ALK: variants seen among roughly 807,000 people sequenced by gnomAD.
ALK encodes ALK tyrosine kinase receptor.
ALK carries 74 observed loss-of-function variants against 163.1 expected under a neutral mutation model. The ratio of observed to expected loss-of-function variants is 0.45; its 90% confidence interval spans 0.38 to 0.55. The LOEUF (loss-of-function observed/expected upper bound fraction) is 0.55. Among genes scored for constraint, ALK ranks in the 20% least tolerant of loss-of-function variants. The probability of loss-of-function intolerance (pLI) is 0.00; values close to 1 mark genes in which losing one functional copy is unlikely to be tolerated. For synonymous variants in ALK, 960 were observed against 843.2 expected, an observed-to-expected ratio of 1.14 and a Z score of -2.40; for missense variants, 2,063 against 2,105.3, an observed-to-expected ratio of 0.98 and a Z score of 0.39.
chr2:29,793,614 A>G (rs1184765570), intron 1 of ALK, among the ~76,000 whole-genome samples: 1 of 151,980 alleles, frequency 6.6e-6, no homozygotes, highest in African/African-American at 2.4e-5. Context: ...GATTGCAGAA[A>G]GGATGCTGTG....
In ALK at chr2:29,225,578, T is replaced by C. The variant is rs1018923976; in HGVS notation, c.3068-13A>G. 1.2e-6 allele frequency: 2 copies of C among 1,603,194 alleles called. No homozygotes were observed. The highest frequency in any genetic ancestry group is 2.7e-5 in the African/African-American group (2 of 74,768). ...GGGGTGGGTGACACTGGAAGACAGG[T>C]CCCACTGGGGTATTGACAACCACAC... On this transcript the variant is annotated splice_polypyrimidine_tract_variant and intron_variant, in intron 18 of 28. Coordinates refer to ENST00000389048, the MANE Select transcript of ALK (RefSeq NM_004304.5).
chr2:29,219,318 A>AGAT (rs1669721833), intron 23 of ALK, among the ~76,000 whole-genome samples: 1 of 152,184 alleles, frequency 6.6e-6, no homozygotes, highest in African/African-American at 2.4e-5. Flanking sequence ...TTAGATACTG[A>AGAT]GATGCGTCAC....
intron 4 of ALK, among the ~76,000 whole-genome samples, chr2:29,497,708 T>G (rs1381253392): frequency 6.6e-6 from 1 of 152,170 alleles, no homozygotes; most frequent in Non-Finnish European, 1.5e-5. Context: ...TCCTTTTAGG[T>G]TCAATATTCT....
At chr2:29,426,991 A>G (rs900374683) in intron 4 of ALK, among the ~76,000 whole-genome samples, 16 of 134,376 alleles carry the variant, frequency 1.2e-4, no homozygotes, top group African/African-American at 4.5e-4. Flanking sequence ...GTGAGCCAAG[A>G]TCACGCCACT....
chr2:29,222,482 G>C (rs2148168994), intron 21 of ALK, 35 bp downstream of exon 21: 1 of 1,613,832 alleles, frequency 6.2e-7, no homozygotes, highest in Non-Finnish European at 8.5e-7. Flanking sequence ...GAGTCCGCAA[G>C]CCAAGGGCAG....
At chr2:29,332,291 A>G (rs113509340) in intron 5 of ALK, among the ~76,000 whole-genome samples, 80 of 103,318 alleles carry the variant, frequency 7.7e-4, no homozygotes, top group Non-Finnish European at 8.4e-4. Flanking sequence ...ATCTCAAAAA[A>G]AAAAAAAAAA....
chr2:29,201,760 C>T (rs1056899712), intron 26 of ALK, among the ~76,000 whole-genome samples: 6 of 148,426 alleles, frequency 4.0e-5, no homozygotes, highest in African/African-American at 1.3e-4. Context: ...GTACTCCAGC[C>T]GGGGCGACAG....
At chr2:29,535,218 G>T (rs1016587734) in intron 3 of ALK, among the ~76,000 whole-genome samples, 1 of 152,190 alleles carries the variant, frequency 6.6e-6, no homozygotes, top group East Asian at 1.9e-4. Flanking sequence ...TGGCCATGGG[G>T]GTGTGGAGAG....
At chr2:29,766,410 C>A (rs548666819) in intron 1 of ALK, among the ~76,000 whole-genome samples, 2 of 152,260 alleles carry the variant, frequency 1.3e-5, no homozygotes, top group African/African-American at 4.8e-5. Flanking sequence ...CATGAATCAC[C>A]CCATGTTCTC....
At chr2:29,632,393 A>T (rs944170495) in intron 3 of ALK, among the ~76,000 whole-genome samples, 1 of 152,218 alleles carries the variant, frequency 6.6e-6, no homozygotes, top group African/African-American at 2.4e-5. Flanking sequence ...AATTAAGGTT[A>T]CATTTAGTAA....
chr2:29,860,538 A>C (rs1666253561), intron 1 of ALK, among the ~76,000 whole-genome samples: 1 of 152,254 alleles, frequency 6.6e-6, no homozygotes, highest in South Asian at 2.1e-4. Context: ...TGGATCTAAC[A>C]GACATACACA....
chr2:29,866,559 A>C (rs896910351), intron 1 of ALK, among the ~76,000 whole-genome samples: 1 of 152,224 alleles, frequency 6.6e-6, no homozygotes, highest in African/African-American at 2.4e-5. Context: ...CTATGGTAAT[A>C]AGGAGCCTAA....
chr2:29,832,399 G>A (rs1224104982), intron 1 of ALK, among the ~76,000 whole-genome samples: 10 of 151,738 alleles, frequency 6.6e-5, no homozygotes, highest in Admixed American at 6.6e-4. Context: ...AAGAGGAAGG[G>A]GTAGATCTTT....
intron 4 of ALK, among the ~76,000 whole-genome samples, chr2:29,406,434 C>G (rs1669586313): frequency 1.3e-5 from 2 of 152,192 alleles, no homozygotes; most frequent in South Asian, 2.1e-4. Flanking sequence ...ATATTCCCAG[C>G]CTGTCTCCAA....
intron 26 of ALK, among the ~76,000 whole-genome samples, chr2:29,203,514 T>C (rs1669236134): frequency 7.7e-6 from 1 of 130,330 alleles, no homozygotes; most frequent in South Asian, 2.6e-4. Flanking sequence ...TTTTTTTTTG[T>C]GAGACAGAGT....
At chr2:29,362,366 C>T (rs1668406917) in intron 5 of ALK, among the ~76,000 whole-genome samples, 3 of 152,120 alleles carry the variant, frequency 2.0e-5, no homozygotes, top group Admixed American at 1.3e-4. Flanking sequence ...ATTCTAGGTG[C>T]TAAAGAGGCA....
chr2:29,340,552 C>A (rs1399063492), intron 5 of ALK, among the ~76,000 whole-genome samples: 1 of 152,176 alleles, frequency 6.6e-6, no homozygotes, highest in South Asian at 2.1e-4. Context: ...GACAAGATAG[C>A]CACCGGGTGC....
Position 29,294,554 on chromosome 2 carries a change from T to C in ALK, c.1817+2334A>G, listed in dbSNP as rs1666126543. 3.3e-5 allele frequency among the ~76,000 whole-genome samples: 5 copies of C among 152,344 alleles called. No homozygotes were observed. In the South Asian group the frequency reaches 1.0e-3, roughly 32 times the overall value. Reference sequence around the variant, plus strand: ...ACTGTGTTGTCTGTTTTATAGAACATGGCTTGACTTGGAAGATCAGTGGTT... The same window carrying C: ...ACTGTGTTGTCTGTTTTATAGAACACGGCTTGACTTGGAAGATCAGTGGTT... On this transcript the variant is annotated intron_variant, in intron 9 of 28. Coordinates refer to ENST00000389048, the MANE Select transcript of ALK (RefSeq NM_004304.5).
At chr2:29,634,117 A>T (rs938184264) in intron 3 of ALK, among the ~76,000 whole-genome samples, 9 of 148,772 alleles carry the variant, frequency 6.0e-5, no homozygotes, top group Admixed American at 2.0e-4. Context: ...ACTGGTGCAC[A>T]TTTTTTTTTT....
Sources: allele counts gnomAD v4.1 joint callset (sites outside exome capture counted in the v4.1 genomes callset), GRCh38; gene constraint gnomAD v4.1.1; transcripts MANE v1.5; gene names NCBI Gene and HGNC (gene_info 2026-07-23, HGNC 2026-07-21).